The following STIM2 variants were observed in gnomAD, a reference collection of about 807,000 sequenced individuals.
The protein encoded by STIM2 is stromal interaction molecule 2.
A neutral mutation model predicts 85.8 loss-of-function variants in STIM2; 31 were observed. The observed-to-expected ratio is 0.36, with a 90% CI of 0.27 to 0.49. The LOEUF (loss-of-function observed/expected upper bound fraction) is 0.49. STIM2 is among the 20% of genes least tolerant of loss of function. The pLI is 0.98. For synonymous variants in STIM2, 356 were observed against 331.1 expected, an observed-to-expected ratio of 1.08 and a Z score of -0.82; for missense variants, 841 against 927.6, an observed-to-expected ratio of 0.91 and a Z score of 1.21.
intron 3 of STIM2, among the ~76,000 whole-genome samples, chr4:26,987,732 G>A (rs1727632511): frequency 1.3e-5 from 2 of 152,164 alleles, no homozygotes; most frequent in Non-Finnish European, 2.9e-5. Context: ...CCTTTAGTAG[G>A]CCCCAATGTA....
intron 10 of STIM2, among the ~76,000 whole-genome samples, chr4:27,009,697 G>A (rs1056061314): frequency 6.6e-6 from 1 of 152,192 alleles, no homozygotes; most frequent in African/African-American, 2.4e-5. Flanking sequence ...GTGTGTGACT[G>A]CATTCATTTC....
chr4:27,002,898 AG>A, intron 6 of STIM2, 28 bp from the exon 7 acceptor site: 2 of 1,476,246 alleles, frequency 1.4e-6, no homozygotes, highest in Non-Finnish European at 1.8e-6. Context: ...AATTTTTGTG[AG>A]GAATTTTTAT....
At chr4:26,927,566 A>T (rs867209807) in intron 2 of STIM2, among the ~76,000 whole-genome samples, 2,187 of 73,240 alleles carry the variant, frequency 0.03, 47 homozygotes, top group Middle Eastern at 0.064. Context: ...GCATTGGGAG[A>T]TATACCTAAT....
chr4:26,976,999 A>G (rs1727226745), intron 3 of STIM2, among the ~76,000 whole-genome samples: 1 of 152,202 alleles, frequency 6.6e-6, no homozygotes, highest in Non-Finnish European at 1.5e-5. Flanking sequence ...CAGGTTATTT[A>G]TGTGAAAAAA....
chr4:27,003,040 A>C lies in STIM2; in HGVS notation c.917A>C (p.Glu306Ala). 6.2e-7 allele frequency: 1 copy of C among 1,605,296 alleles called. No homozygotes were observed. Among genetic ancestry groups the C allele is most frequent in the South Asian group, 1.1e-5 (1 of 89,316 alleles). Residue 306 changes from glutamate to alanine, a missense_variant, in exon 7 of 12, where the codon GAG (glutamate) becomes GCG (alanine). This residue lies in a region of STIM2 where 408 missense variants were observed against 525.4 expected (regional missense o/e 0.78). Coordinates refer to ENST00000467087, the MANE Select transcript of STIM2 (RefSeq NM_020860.4). ...AAGGAGGAGGCTTGTCGGCTGAGAG[A>C]GCTAAGGGAGGGAGCTGAATGTGAA...
intron 3 of STIM2, among the ~76,000 whole-genome samples, chr4:26,970,057 A>G (rs967018275): frequency 6.6e-6 from 1 of 151,254 alleles, no homozygotes; most frequent in Non-Finnish European, 1.5e-5. Flanking sequence ...TATTTTCCAA[A>G]ATAAAAAAAA....
At chr4:26,970,658 G>T (rs1443949399) in intron 3 of STIM2, among the ~76,000 whole-genome samples, 1 of 152,084 alleles carries the variant, frequency 6.6e-6, no homozygotes, top group Non-Finnish European at 1.5e-5. Context: ...TGAACATTTG[G>T]GTTGGTTCCA....
At chr4:27,010,392 C>T (rs756797307) in intron 10 of STIM2, among the ~76,000 whole-genome samples, 5 of 151,966 alleles carry the variant, frequency 3.3e-5, no homozygotes, top group Non-Finnish European at 7.4e-5. Context: ...TGCAGTGAGC[C>T]GAGATTGTGC....
chr4:26,942,087 A>G (rs1486044977), intron 2 of STIM2, among the ~76,000 whole-genome samples: 2 of 152,128 alleles, frequency 1.3e-5, no homozygotes, highest in African/African-American at 4.8e-5. Flanking sequence ...CAATCTAACA[A>G]CTAACTGTAG....
At chr4:27,014,072 T>A (rs1728650020) in intron 10 of STIM2, among the ~76,000 whole-genome samples, 1 of 151,976 alleles carries the variant, frequency 6.6e-6, no homozygotes. Flanking sequence ...ATCTTTAAAT[T>A]TTTTTGTTCC....
In STIM2 at chr4:26,861,016, C is replaced by A; in HGVS notation, c.-203C>A. 7.2e-6 allele frequency: 9 copies of A among 1,249,556 alleles called. No individual in the cohort carries two copies. Among genetic ancestry groups the A allele is most frequent in the Non-Finnish European group, 7.1e-6 (7 of 988,556 alleles). The allele number at this position is 1,249,556 out of a possible 1,614,324, so 77.4% of individuals were successfully genotyped here. The stretch of plus-strand genomic sequence containing the variant: ...GCCGGTGCCGATGGGACCAGGCTGG[C>A]GCCCGGCGGGAGCCCGTGTCTGAGG... On this transcript the variant is annotated 5_prime_UTR_variant, in exon 1 of 12. Coordinates refer to ENST00000467087, the MANE Select transcript of STIM2 (RefSeq NM_020860.4).
intron 1 of STIM2, among the ~76,000 whole-genome samples, chr4:26,885,151 T>C (rs1156966999): frequency 6.6e-6 from 1 of 151,422 alleles, no homozygotes; most frequent in Non-Finnish European, 1.5e-5. Flanking sequence ...CCACTGTTCA[T>C]GTTCAACCTT....
chr4:26,898,118 T>C (rs1275429188), intron 1 of STIM2, among the ~76,000 whole-genome samples: 3 of 152,316 alleles, frequency 2.0e-5, no homozygotes, highest in East Asian at 1.9e-4. Flanking sequence ...TCACATAAGA[T>C]TGATTGCATT....
chr4:26,941,893 T>C (rs192350960), intron 2 of STIM2, among the ~76,000 whole-genome samples: 7 of 152,314 alleles, frequency 4.6e-5, no homozygotes, highest in Admixed American at 4.6e-4. Context: ...ACACACTCAA[T>C]TGTATTAATT....
At chr4:26,906,436 G>GTT (rs1724128111) in intron 1 of STIM2, among the ~76,000 whole-genome samples, 1 of 131,184 alleles carries the variant, frequency 7.6e-6, no homozygotes, top group African/African-American at 2.9e-5. Context: ...ATACAAGTTT[G>GTT]TTTGTTTTTT....
At chr4:26,976,334 G>T (rs1312857708) in intron 3 of STIM2, among the ~76,000 whole-genome samples, 3 of 151,190 alleles carry the variant, frequency 2.0e-5, no homozygotes, top group East Asian at 2.0e-4. Context: ...CATGGATCAC[G>T]CTGGGAGCTG....
chr4:26,965,746 C>T (rs541055354), intron 3 of STIM2, among the ~76,000 whole-genome samples: 1 of 152,096 alleles, frequency 6.6e-6, no homozygotes, highest in Admixed American at 6.5e-5. Context: ...TTAATTCTGT[C>T]TTTTTAGTTT....
intron 10 of STIM2, among the ~76,000 whole-genome samples, chr4:27,012,742 TAA>T (rs1051971847): frequency 7.2e-5 from 11 of 152,180 alleles, no homozygotes; most frequent in Admixed American, 6.5e-4. Flanking sequence ...TTTCTGACTT[TAA>T]AGAGAATGCT....
intron 1 of STIM2, among the ~76,000 whole-genome samples, chr4:26,895,176 C>A (rs1444548295): frequency 6.6e-6 from 1 of 152,244 alleles, no homozygotes; most frequent in Admixed American, 6.5e-5. Context: ...TGCGCCACTG[C>A]ACTCCAGCCT....
Sources: allele counts gnomAD v4.1 joint callset (sites outside exome capture counted in the v4.1 genomes callset), GRCh38; gene constraint gnomAD v4.1.1; regional missense constraint gnomAD v4.1.1; transcripts MANE v1.5; gene names NCBI Gene and HGNC (gene_info 2026-07-23, HGNC 2026-07-21).